ZNF804B: variants seen among roughly 807,000 people sequenced by gnomAD.
The protein encoded by ZNF804B is zinc finger 804B.
Under a neutral mutation model 101.4 loss-of-function variants are expected in ZNF804B, and 80 were observed. That is an observed-to-expected ratio of 0.79 (90% CI 0.66 to 0.95). The LOEUF (loss-of-function observed/expected upper bound fraction) is 0.95. Ranked by LOEUF, ZNF804B falls within the 40% of genes least tolerant of loss-of-function variation. The pLI is 0.00. For missense variants in ZNF804B, 1,673 were observed against 1,561.9 expected (o/e 1.07, Z -1.20); for synonymous variants, 622 against 558.8 (o/e 1.11, Z -1.59).
At chr7:89,283,374 C>T (rs1280810058) in intron 2 of ZNF804B, among the ~76,000 whole-genome samples, 1 of 152,062 alleles carries the variant, frequency 6.6e-6, no homozygotes, top group Non-Finnish European at 1.5e-5. Flanking sequence ...CTTGGTATCA[C>T]ACGTATGCTT....
At chr7:88,967,098 C>T (rs771638380) in intron 1 of ZNF804B, among the ~76,000 whole-genome samples, 1 of 151,402 alleles carries the variant, frequency 6.6e-6, no homozygotes, top group Non-Finnish European at 1.5e-5. Flanking sequence ...AAATAGAAAC[C>T]TTTCAGTTTT....
intron 1 of ZNF804B, among the ~76,000 whole-genome samples, chr7:89,079,518 C>T (rs1325938742): frequency 1.3e-5 from 2 of 152,048 alleles, no homozygotes; most frequent in Non-Finnish European, 2.9e-5. Flanking sequence ...ACCTGTTAAA[C>T]ACTTACTCTC....
chr7:89,297,489 C>T (rs1790401571), intron 2 of ZNF804B, among the ~76,000 whole-genome samples: 1 of 151,922 alleles, frequency 6.6e-6, no homozygotes, highest in African/African-American at 2.4e-5. Flanking sequence ...TCCACAGAAG[C>T]CTATGTTGCT....
At chr7:88,780,850 T>G (rs895245910) in intron 1 of ZNF804B, among the ~76,000 whole-genome samples, 2 of 152,222 alleles carry the variant, frequency 1.3e-5, no homozygotes, top group African/African-American at 2.4e-5. Context: ...TCTCTTATCT[T>G]TCTTCACAGG....
Position 89,333,393 on chromosome 7 carries a change from C to A in ZNF804B, c.411C>A (p.Ala137=). The change falls in exon 4 of 4, where the codon GCC becomes GCA. Residue 137 remains alanine, a synonymous_variant. Transcript: ENST00000333190. The part of the protein sequence containing the change: ...CVSGNGPAYK[A]PRVAIEKQLQ... ...CTGGAAATGGACCAGCATACAAAGC[C>A]CCCAGGGTAGCCATAGAAAAGCAAC... The A allele has an allele frequency of 6.2e-7, 1 of 1,610,632 alleles. No individual in the cohort carries two copies. Among genetic ancestry groups the A allele is most frequent in the Non-Finnish European group, 8.5e-7 (1 of 1,178,532 alleles).
Position 89,277,472 on chromosome 7 carries a change from TC to T in ZNF804B, c.250-49866del, listed in dbSNP as rs1395505763. On this transcript the variant is annotated intron_variant, in intron 2 of 3. Transcript: ENST00000333190. ...TAGGTATATCTCCCAATGCTATCCC[TC>T]CCCCCTCCCCCCTCCCCCCTCCCCC... 9.9e-4 allele frequency among the ~76,000 whole-genome samples: 3 copies of T among 3,028 alleles called. 1 individual carries two copies. Among genetic ancestry groups the T allele is most frequent in the African/African-American group, 1.6e-3 (1 of 628 alleles). 2.0% of individuals were successfully genotyped at this position (3,028 alleles called of 152,430 possible).
intron 1 of ZNF804B, among the ~76,000 whole-genome samples, chr7:88,984,272 C>G (rs1411448895): frequency 6.6e-6 from 1 of 151,972 alleles, no homozygotes; most frequent in Non-Finnish European, 1.5e-5. Flanking sequence ...CTAGCAGCAG[C>G]TTAGTGTTTA....
chr7:88,943,888 C>T (rs193066240), intron 1 of ZNF804B, among the ~76,000 whole-genome samples: 5 of 151,860 alleles, frequency 3.3e-5, no homozygotes, highest in Admixed American at 1.3e-4. Context: ...ATTTGTCTTC[C>T]GTCACTTAGC....
At chr7:89,053,451 G>C (rs1307797742) in intron 1 of ZNF804B, among the ~76,000 whole-genome samples, 1 of 151,978 alleles carries the variant, frequency 6.6e-6, no homozygotes, top group African/African-American at 2.4e-5. Flanking sequence ...ATTTTTTCTT[G>C]AGCTATTCAT....
chr7:88,760,185 G>T (rs1360915286), intron 1 of ZNF804B, 101 bp downstream of exon 1: 1 of 971,070 alleles, frequency 1.0e-6, no homozygotes, highest in Non-Finnish European at 1.6e-6. Flanking sequence ...GTAGGTGGTG[G>T]ACATCTAAAA....
chr7:89,239,704 T>C (rs1413759013), intron 2 of ZNF804B, among the ~76,000 whole-genome samples: 1 of 152,066 alleles, frequency 6.6e-6, no homozygotes, highest in Non-Finnish European at 1.5e-5. Context: ...AGTTTATTTA[T>C]ATCTACAGAT....
At chr7:89,241,973 C>A (rs1789379531) in intron 2 of ZNF804B, among the ~76,000 whole-genome samples, 1 of 150,952 alleles carries the variant, frequency 6.6e-6, no homozygotes, top group East Asian at 1.9e-4. Context: ...CCAGGCTTTT[C>A]CTACTTATCC....
rs1309747211 is a variant in ZNF804B, at chr7:89,059,183, C to A, written c.109-158972C>A. 2.0e-5 allele frequency among the ~76,000 whole-genome samples: 3 copies of A among 152,146 alleles called. No homozygotes were observed. The East Asian group carries it at 5.8e-4, about 29-fold the overall frequency. The stretch of plus-strand genomic sequence containing the variant: ...GTATTATTGCATTTTCAGTTGTATG[C>A]AGGATGGTTGCTTCATGTTAGTTTC... On this transcript the variant is annotated intron_variant, in intron 1 of 3. Transcript: ENST00000333190.
At chr7:89,029,668 G>A (rs1788802168) in intron 1 of ZNF804B, among the ~76,000 whole-genome samples, 1 of 152,084 alleles carries the variant, frequency 6.6e-6, no homozygotes, top group African/African-American at 2.4e-5. Context: ...CATCAGCGGG[G>A]TCATTATTGT....
At chr7:89,066,317 T>C (rs1789454121) in intron 1 of ZNF804B, among the ~76,000 whole-genome samples, 2 of 152,206 alleles carry the variant, frequency 1.3e-5, no homozygotes, top group South Asian at 2.1e-4. Context: ...CATTGTGCCC[T>C]GAAGCTACAG....
At chr7:89,297,301 G>T (rs193134829) in intron 2 of ZNF804B, among the ~76,000 whole-genome samples, 1 of 152,016 alleles carries the variant, frequency 6.6e-6, no homozygotes, top group Admixed American at 6.6e-5. Context: ...TCTCTTTAGG[G>T]TCTAAAAGTT....
Position 89,334,010 on chromosome 7 carries a change from AAGAAACT to A in ZNF804B, c.1034_1040del (p.Thr345IlefsTer3). The A allele has an allele frequency of 6.2e-7, 1 of 1,613,418 alleles. No homozygotes were observed. The highest frequency in any genetic ancestry group is 8.5e-7 in the Non-Finnish European group (1 of 1,179,720). The stretch of plus-strand genomic sequence containing the variant: ...GATTTTACTCCTACCAGCAGAGAAA[AAGAAACT>A]AGAAATACATTGAAGAACACTTTAG... On this transcript the variant is annotated frameshift_variant, in exon 4 of 4. Coordinates refer to ENST00000333190, the MANE Select transcript of ZNF804B (RefSeq NM_181646.5). LOFTEE classifies it high-confidence loss of function.
At chr7:88,764,716 A>G (rs1031334547) in intron 1 of ZNF804B, among the ~76,000 whole-genome samples, 7 of 152,066 alleles carry the variant, frequency 4.6e-5, no homozygotes, top group African/African-American at 1.2e-4. Flanking sequence ...GACTGTGTAT[A>G]TTTTCATTAT....
At chr7:89,257,721 G>A (rs183906139) in intron 2 of ZNF804B, among the ~76,000 whole-genome samples, 161 of 152,242 alleles carry the variant, frequency 1.1e-3, no homozygotes, top group African/African-American at 3.6e-3. Flanking sequence ...CTCAGGTAAT[G>A]AGCATAGTAC....
Sources: gnomAD v4.1 joint callset for allele counts (sites outside exome capture counted in the v4.1 genomes callset) on GRCh38, gnomAD v4.1.1 for gene constraint, MANE v1.5 for transcripts, NCBI Gene and HGNC (gene_info 2026-07-23, HGNC 2026-07-21) for gene names.